The following MCM9 variants were observed in gnomAD, a reference collection of about 807,000 sequenced individuals.
The protein encoded by MCM9 is DNA helicase MCM9.
A neutral mutation model predicts 72.8 loss-of-function variants in MCM9; 55 were observed. The ratio of observed to expected loss-of-function variants is 0.76; its 90% CI spans 0.61 to 0.95. The LOEUF is 0.95. MCM9 is among the 40% of genes least tolerant of loss of function. The probability of loss-of-function intolerance (pLI) is 0.00; values close to 1 mark genes in which losing one functional copy is unlikely to be tolerated. For synonymous variants in MCM9, 480 were observed against 503.4 expected (o/e 0.95, Z 0.62); for missense variants, 1,279 against 1,377.0 (o/e 0.93, Z 1.13).
intron 8 of MCM9, among the ~76,000 whole-genome samples, chr6:118,890,196 C>A (rs1331338835): frequency 6.6e-6 from 1 of 152,168 alleles, no homozygotes; most frequent in Non-Finnish European, 1.5e-5. Flanking sequence ...TTAATCAAGT[C>A]ATTACTGGAG....
intron 8 of MCM9, among the ~76,000 whole-genome samples, chr6:118,864,790 C>T (rs1474891012): frequency 4.6e-5 from 7 of 152,174 alleles, no homozygotes; most frequent in African/African-American, 1.7e-4. Flanking sequence ...CTCTAGACCA[C>T]AATAAAATTG....
At chr6:118,847,291 T>C (rs1775929817) in intron 9 of MCM9, among the ~76,000 whole-genome samples, 1 of 151,430 alleles carries the variant, frequency 6.6e-6, no homozygotes, top group African/African-American at 2.4e-5. Flanking sequence ...ACTCCAAAAC[T>C]GGGGAGCAAA....
At position 118,843,662 on chromosome 6, in the gene MCM9, A is replaced by ACACGTG. The variant is rs1332413866; in HGVS notation, c.1325+12708_1325+12709insCACGTG. Among the ~76,000 whole-genome samples, 59 of 59,682 alleles carry ACACGTG rather than the reference A, an allele frequency of 9.9e-4. 1 individual carries two copies. The highest frequency in any genetic ancestry group is 3.3e-3 in the African/African-American group (48 of 14,660). 39.2% of individuals were successfully genotyped at this position (59,682 alleles called of 152,430 possible). A position where few individuals can be genotyped will look rare whatever the true frequency, so the allele number is the denominator to read the frequency against. ...AAAACATATATATATATATGTGTAT[A>ACACGTG]TATATATGTATGTATATATATATGT... On this transcript the variant is annotated intron_variant, in intron 9 of 13. Coordinates refer to ENST00000619706, the MANE Select transcript of MCM9 (RefSeq NM_017696.3).
At chr6:118,833,553 G>T (rs1156547639) in intron 9 of MCM9, among the ~76,000 whole-genome samples, 3 of 152,124 alleles carry the variant, frequency 2.0e-5, no homozygotes, top group Non-Finnish European at 2.9e-5. Context: ...TAAAGGAATG[G>T]ATAAGGAAAA....
At chr6:118,862,210 C>T (rs1433189699) in intron 8 of MCM9, among the ~76,000 whole-genome samples, 2 of 152,296 alleles carry the variant, frequency 1.3e-5, no homozygotes, top group Middle Eastern at 3.4e-3. Context: ...GCAGGGATGC[C>T]TAGGTCCAGA....
chr6:118,855,174 A>G (rs935049820), intron 9 of MCM9, among the ~76,000 whole-genome samples: 6 of 152,248 alleles, frequency 3.9e-5, no homozygotes, highest in Admixed American at 2.0e-4. Context: ...AGCTCATTAA[A>G]TGGAGATATA....
intron 8 of MCM9, among the ~76,000 whole-genome samples, chr6:118,905,355 A>G (rs1780106921): frequency 2.0e-5 from 1 of 48,978 alleles, no homozygotes; most frequent in Non-Finnish European, 3.7e-5. Flanking sequence ...TTTATAATGA[A>G]TAGTGTATAA....
chr6:118,920,893 A>G (rs577506432), intron 5 of MCM9: 1 of 152,178 alleles, frequency 6.6e-6, no homozygotes, highest in Non-Finnish European at 1.5e-5. Context: ...GCCCAAAATG[A>G]CTAAAACATC....
chr6:118,839,734 T>C (rs1037970964), intron 9 of MCM9, among the ~76,000 whole-genome samples: 24 of 152,204 alleles, frequency 1.6e-4, no homozygotes, highest in African/African-American at 5.8e-4. Flanking sequence ...CCTGTTTGCC[T>C]GGGTATCACC....
intron 9 of MCM9, among the ~76,000 whole-genome samples, chr6:118,832,690 A>C (rs1774654300): frequency 6.6e-6 from 1 of 152,218 alleles, no homozygotes; most frequent in African/African-American, 2.4e-5. Flanking sequence ...TTCTACTAAT[A>C]ACTTGTGTAA....
chr6:118,878,305 C>T (rs1287840290), intron 8 of MCM9, among the ~76,000 whole-genome samples: 1 of 151,868 alleles, frequency 6.6e-6, no homozygotes, highest in Admixed American at 6.6e-5. Flanking sequence ...CAAATTAATG[C>T]TAATAGACCT....
chr6:118,904,892 C>G (rs891311500), intron 8 of MCM9, among the ~76,000 whole-genome samples: 2 of 152,198 alleles, frequency 1.3e-5, no homozygotes, highest in Non-Finnish European at 2.9e-5. Context: ...GGCTGGAGTG[C>G]AGTAGTGCGA....
At chr6:118,823,268 A>G (rs1180596874) in intron 13 of MCM9, among the ~76,000 whole-genome samples, 2 of 152,124 alleles carry the variant, frequency 1.3e-5, no homozygotes, top group Admixed American at 1.3e-4. Flanking sequence ...TGATCCGTGG[A>G]TTGCAAAAAC....
At position 118,815,658 on chromosome 6, in the gene MCM9, C is replaced by T. The variant is rs1773367015; in HGVS notation, c.2598G>A (p.Val866=). ...GGGAAGGGACTGTGCACTGTGCAGG[C>T]ACCCTGGTGCTATTTCTGCACAACT... ...AQKLCRNSTR[V]PAQCTVPSHP... Residue 866 remains valine (V), a synonymous_variant, in exon 14 of 14, where the codon GTG becomes GTA. Transcript: ENST00000619706. The T allele has an allele frequency of 3.2e-6, 5 of 1,549,836 alleles. No homozygotes were observed. The highest frequency in any genetic ancestry group is 3.5e-6 in the Non-Finnish European group (4 of 1,146,818).
chr6:118,866,959 C>A (rs1777253936), intron 8 of MCM9, among the ~76,000 whole-genome samples: 1 of 152,052 alleles, frequency 6.6e-6, no homozygotes, highest in African/African-American at 2.4e-5. Flanking sequence ...AAAGAACCTT[C>A]TCATAAGACT....
intron 8 of MCM9, among the ~76,000 whole-genome samples, chr6:118,863,623 T>G (rs921093754): frequency 6.6e-6 from 1 of 152,210 alleles, no homozygotes; most frequent in Non-Finnish European, 1.5e-5. Flanking sequence ...AATCCAACTA[T>G]GGTATTTGAG....
intron 8 of MCM9, among the ~76,000 whole-genome samples, chr6:118,895,721 A>AT (rs1290587843): frequency 6.6e-6 from 1 of 152,174 alleles, no homozygotes. Context: ...TCAGTGCTTC[A>AT]TTTGCCAGTT....
intron 9 of MCM9, 152 bp from the exon 10 acceptor site, chr6:118,829,402 C>T: frequency 1.4e-6 from 1 of 691,814 alleles, no homozygotes; most frequent in South Asian, 2.2e-5. Context: ...ATATCACAAA[C>T]ATCAACTTCC....
At chr6:118,893,166 A>C (rs1301369294) in intron 8 of MCM9, among the ~76,000 whole-genome samples, 1 of 152,214 alleles carries the variant, frequency 6.6e-6, no homozygotes, top group Non-Finnish European at 1.5e-5. Flanking sequence ...TTTCCCCGCA[A>C]TGGTAGCCAA....
Sources: gnomAD v4.1 joint callset for allele counts (sites outside exome capture counted in the v4.1 genomes callset) on GRCh38, gnomAD v4.1.1 for gene constraint, MANE v1.5 for transcripts, NCBI Gene and HGNC (gene_info 2026-07-23, HGNC 2026-07-21) for gene names.